MBD5: variants seen among roughly 807,000 people sequenced by gnomAD.
MBD5 encodes the protein methyl-CpG binding domain protein 5.
Under a neutral mutation model 117.3 loss-of-function variants are expected in MBD5, and 13 were observed. The observed-to-expected ratio is 0.11, with a 90% CI of 0.07 to 0.18. The LOEUF (loss-of-function observed/expected upper bound fraction) is 0.18, where lower values mean the gene tolerates loss of function less well. Among genes scored for constraint, MBD5 ranks in the 10% least tolerant of loss-of-function variants. The pLI, the probability that MBD5 is intolerant of heterozygous loss-of-function variation, is 1.00. For synonymous variants in MBD5, 727 were observed against 766.4 expected, an observed-to-expected ratio of 0.95 and a Z score of 0.85; for missense variants, 1,879 against 2,093.8, an observed-to-expected ratio of 0.90 and a Z score of 2.00.
intron 3 of MBD5, among the ~76,000 whole-genome samples, chr2:148,236,561 A>G (rs1195111102): frequency 6.6e-6 from 1 of 152,176 alleles, no homozygotes; most frequent in Non-Finnish European, 1.5e-5. Context: ...AGTAGGTCTC[A>G]ACAGCAAACG....
intron 1 of MBD5, among the ~76,000 whole-genome samples, chr2:148,097,249 T>C (rs935061204): frequency 1.3e-5 from 2 of 152,326 alleles, no homozygotes; most frequent in East Asian, 1.9e-4. Flanking sequence ...GTATTACTTA[T>C]AAATTCAAAG....
intron 3 of MBD5, among the ~76,000 whole-genome samples, chr2:148,324,061 G>A (rs1315134061): frequency 6.6e-6 from 1 of 152,086 alleles, no homozygotes; most frequent in African/African-American, 2.4e-5. Flanking sequence ...TTTTACATAT[G>A]GCTAGCCAGT....
intron 3 of MBD5, among the ~76,000 whole-genome samples, chr2:148,275,109 A>G (rs1001794366): frequency 8.5e-5 from 13 of 152,146 alleles, no homozygotes; most frequent in African/African-American, 2.9e-4. Flanking sequence ...ATGTTTTCTT[A>G]TGCAACCTAT....
At chr2:148,179,804 T>C (rs1043448612) in intron 2 of MBD5, among the ~76,000 whole-genome samples, 1 of 152,204 alleles carries the variant, frequency 6.6e-6, no homozygotes, top group African/African-American at 2.4e-5. Context: ...CTGGAGAGTA[T>C]GTGACCTGTA....
chr2:148,228,825 G>T (rs1346666469), intron 2 of MBD5, among the ~76,000 whole-genome samples: 5 of 152,016 alleles, frequency 3.3e-5, no homozygotes, highest in Non-Finnish European at 7.4e-5. Flanking sequence ...ACTTCTTCCT[G>T]GTTTAGTCTT....
Position 148,502,520 on chromosome 2 carries a change from T to A in MBD5, c.5036+11T>A. On this transcript the variant is annotated intron_variant, in intron 12 of 13. Coordinates refer to ENST00000642680, the MANE Select transcript of MBD5 (RefSeq NM_001378120.1). Reference sequence around the variant, plus strand: ...GAAAAGGAACAGAAAGTAAGCACTTTTCCAAAATTTTACTTTGTTTTTCCA... The same window carrying A: ...GAAAAGGAACAGAAAGTAAGCACTTATCCAAAATTTTACTTTGTTTTTCCA... 6.2e-7 allele frequency: 1 copy of A among 1,612,792 alleles called. No homozygotes were observed. Among genetic ancestry groups the A allele is most frequent in the Non-Finnish European group, 8.5e-7 (1 of 1,179,062 alleles).
At chr2:148,403,262 C>T (rs1704976539) in intron 4 of MBD5, among the ~76,000 whole-genome samples, 1 of 151,892 alleles carries the variant, frequency 6.6e-6, no homozygotes, top group Non-Finnish European at 1.5e-5. Flanking sequence ...TCACTGCAAC[C>T]TCCACCCCCC....
intron 4 of MBD5, among the ~76,000 whole-genome samples, chr2:148,406,840 T>C (rs1445313822): frequency 6.6e-6 from 1 of 152,230 alleles, no homozygotes; most frequent in Admixed American, 6.5e-5. Context: ...AGCTTCTTTC[T>C]CATCCTTTAG....
At chr2:148,480,404 G>A (rs145447442) in intron 8 of MBD5, among the ~76,000 whole-genome samples, 192 of 152,128 alleles carry the variant, frequency 1.3e-3, no homozygotes, top group African/African-American at 4.5e-3. Context: ...GCCTTGCCAT[G>A]TACACTCTAG....
In MBD5 at chr2:148,468,330, T is replaced by C. The variant is rs1326755672; in HGVS notation, c.398-11T>C. ...CTGTTAACAGAATTCTTTTTTTCTCTTTCACATCAGATGCAACTCCAGTAG... is the reference window on the plus strand; with the variant it reads ...CTGTTAACAGAATTCTTTTTTTCTCCTTCACATCAGATGCAACTCCAGTAG... On this transcript the variant is annotated splice_polypyrimidine_tract_variant and intron_variant, in intron 7 of 13. Transcript: ENST00000642680. 2 of 1,611,950 alleles carry C rather than the reference T, an allele frequency of 1.2e-6. No individual in the cohort carries two copies. Among genetic ancestry groups the C allele is most frequent in the Non-Finnish European group, 1.7e-6 (2 of 1,178,480 alleles).
intron 3 of MBD5, among the ~76,000 whole-genome samples, chr2:148,282,942 T>C (rs1021874848): frequency 4.3e-5 from 6 of 139,690 alleles, no homozygotes; most frequent in African/African-American, 1.6e-4. Context: ...TCTATACTAG[T>C]CAGTGTATTT....
chr2:148,294,509 T>TTTTTTGGTTTTTTTTTTTTTTGTTTG (rs750245317), intron 3 of MBD5, among the ~76,000 whole-genome samples: 3 of 129,982 alleles, frequency 2.3e-5, no homozygotes, highest in Non-Finnish European at 4.9e-5. Context: ...CAGTTTTTTT[T>TTTTTTGGTTTTTTTTTTTTTTGTTTG]TTTTTTTTTT....
At chr2:148,060,133 A>C (rs1694986897) in intron 1 of MBD5, among the ~76,000 whole-genome samples, 1 of 25,740 alleles carries the variant, frequency 3.9e-5, no homozygotes, top group East Asian at 1.2e-3. Flanking sequence ...CAAAAAGTGC[A>C]AAAAAAAAAA....
chr2:148,397,080 A>T (rs1296856376), intron 4 of MBD5, among the ~76,000 whole-genome samples: 2 of 152,158 alleles, frequency 1.3e-5, no homozygotes, highest in Non-Finnish European at 2.9e-5. Flanking sequence ...CAGATCCCAA[A>T]TATTACTCAA....
chr2:148,092,700 T>C (rs1695972905), intron 1 of MBD5, among the ~76,000 whole-genome samples: 1 of 151,926 alleles, frequency 6.6e-6, no homozygotes, highest in Non-Finnish European at 1.5e-5. Flanking sequence ...AGACTACACA[T>C]TGGGTACAGT....
At chr2:148,490,745 A>G in intron 11 of MBD5, 151 bp downstream of exon 11, 1 of 929,340 alleles carries the variant, frequency 1.1e-6, no homozygotes, top group South Asian at 1.6e-5. Flanking sequence ...CATAAAATGA[A>G]GAGGGGATGG....
At chr2:148,172,104 G>A (rs886871800) in intron 1 of MBD5, among the ~76,000 whole-genome samples, 1 of 152,236 alleles carries the variant, frequency 6.6e-6, no homozygotes, top group African/African-American at 2.4e-5. Context: ...ACAATGGCCT[G>A]TCTGGAACTG....
chr2:148,098,876 C>G (rs1321325405), intron 1 of MBD5, among the ~76,000 whole-genome samples: 1 of 151,854 alleles, frequency 6.6e-6, no homozygotes, highest in Non-Finnish European at 1.5e-5. Flanking sequence ...CATGGCGAGA[C>G]CCTGTCTCTA....
intron 3 of MBD5, among the ~76,000 whole-genome samples, chr2:148,275,035 T>C (rs1307530811): frequency 6.6e-6 from 1 of 152,186 alleles, no homozygotes; most frequent in Non-Finnish European, 1.5e-5. Flanking sequence ...CTGGCGTCTT[T>C]TCTTACATAT....
Sources: gnomAD v4.1 joint callset for allele counts (sites outside exome capture counted in the v4.1 genomes callset) on GRCh38, gnomAD v4.1.1 for gene constraint, MANE v1.5 for transcripts, NCBI Gene and HGNC (gene_info 2026-07-23, HGNC 2026-07-21) for gene names.